Variants in JPH1 observed in about 807,000 individuals in gnomAD.
The protein encoded by JPH1 is junctophilin-1.
Under a neutral mutation model 53.6 loss-of-function variants are expected in JPH1, and 12 were observed. That is an observed-to-expected ratio of 0.22 (90% CI 0.14 to 0.36). JPH1 has a LOEUF of 0.36. Ranked by LOEUF, JPH1 falls within the 10% of genes least tolerant of loss-of-function variation. The probability of loss-of-function intolerance (pLI) is 1.00; values close to 1 mark genes in which losing one functional copy is unlikely to be tolerated. For synonymous variants in JPH1, 375 were observed against 363.8 expected (o/e 1.03, Z -0.35); for missense variants, 808 against 905.5 (o/e 0.89, Z 1.38).
At position 74,244,929 on chromosome 8, in the gene JPH1, G is replaced by C. The variant is rs1805810833; in HGVS notation, c.1505C>G (p.Ala502Gly). 6.2e-7 allele frequency: 1 copy of C among 1,614,180 alleles called. No individual in the cohort carries two copies. Among genetic ancestry groups the C allele is most frequent in the Non-Finnish European group, 8.5e-7 (1 of 1,180,044 alleles). Reference protein sequence around the residue: ...ARLNQDKRSVADEQVTAIVNK... With the variant: ...ARLNQDKRSVGDEQVTAIVNK... ...GACAATGGCCGTCACCTGCTCATCA[G>C]CCACACTCCTTTTGTCTTGGTTGAG... is the stretch of plus-strand genomic sequence containing the variant. The change falls in exon 4 of 6, where the codon GCT (alanine) becomes GGT (glycine). Residue 502 changes from alanine (A) to glycine (G), a missense_variant. This residue lies in a region of JPH1 where 756 missense variants were observed against 811.9 expected (regional missense o/e 0.93). Coordinates refer to ENST00000342232, the MANE Select transcript of JPH1 (RefSeq NM_020647.4).
At chr8:74,265,231 A>G (rs1269627729) in intron 2 of JPH1, among the ~76,000 whole-genome samples, 1 of 152,198 alleles carries the variant, frequency 6.6e-6, no homozygotes, top group Non-Finnish European at 1.5e-5. Context: ...GACATATGTA[A>G]TAATTTGGGA....
intron 2 of JPH1, among the ~76,000 whole-genome samples, chr8:74,280,124 TGTA>T (rs1806968665): frequency 6.6e-6 from 1 of 152,204 alleles, no homozygotes; most frequent in Non-Finnish European, 1.5e-5. Context: ...CAATGAAATC[TGTA>T]GTAAGTAAAA....
At chr8:74,250,027 T>C (rs1193532702) in intron 3 of JPH1, among the ~76,000 whole-genome samples, 1 of 152,218 alleles carries the variant, frequency 6.6e-6, no homozygotes, top group African/African-American at 2.4e-5. Context: ...AGTGTTTTAA[T>C]TTCTTTAACT....
At chr8:74,251,754 T>A (rs950747714) in intron 3 of JPH1, among the ~76,000 whole-genome samples, 19 of 151,960 alleles carry the variant, frequency 1.3e-4, no homozygotes, top group Non-Finnish European at 2.8e-4. Context: ...TACAGTTTTT[T>A]AAAATAGATT....
intron 2 of JPH1, among the ~76,000 whole-genome samples, chr8:74,288,665 T>G (rs1054694463): frequency 1.2e-4 from 18 of 152,184 alleles, no homozygotes; most frequent in African/African-American, 4.3e-4. Flanking sequence ...AACACAGAGT[T>G]AAGCCCATGG....
intron 2 of JPH1, among the ~76,000 whole-genome samples, chr8:74,261,181 T>C (rs1000871139): frequency 1.3e-5 from 2 of 152,192 alleles, no homozygotes; most frequent in Non-Finnish European, 2.9e-5. Context: ...GGACATTACA[T>C]ATTTGTCAAA....
chr8:74,260,107 A>G (rs1806348142), intron 2 of JPH1, among the ~76,000 whole-genome samples: 1 of 152,176 alleles, frequency 6.6e-6, no homozygotes, highest in Non-Finnish European at 1.5e-5. Context: ...CACCAGCAGG[A>G]GCAAACCACA....
chr8:74,319,421 G>A (rs902928106), intron 1 of JPH1, among the ~76,000 whole-genome samples: 1 of 152,302 alleles, frequency 6.6e-6, no homozygotes, highest in Admixed American at 6.5e-5. Flanking sequence ...TTACAGCGCT[G>A]TCAACCAGGT....
At chr8:74,287,565 C>T (rs1245417640) in intron 2 of JPH1, among the ~76,000 whole-genome samples, 2 of 152,030 alleles carry the variant, frequency 1.3e-5, no homozygotes, top group African/African-American at 4.8e-5. Context: ...TAGAAACAGC[C>T]TAGATCTTTT....
At chr8:74,265,202 A>G (rs1023786661) in intron 2 of JPH1, among the ~76,000 whole-genome samples, 96 of 152,194 alleles carry the variant, frequency 6.3e-4, no homozygotes, top group African/African-American at 2.1e-3. Context: ...AGCCCCCTGC[A>G]GTGTGTTCAT....
At chr8:74,263,539 C>T (rs115944832) in intron 2 of JPH1, among the ~76,000 whole-genome samples, 1,589 of 152,268 alleles carry the variant, frequency 0.01, 28 homozygotes, top group African/African-American at 0.036. Context: ...CAAGCCAAAA[C>T]CTTTGAGTCA....
At chr8:74,308,549 AGAG>A (rs1437046052) in intron 2 of JPH1, among the ~76,000 whole-genome samples, 1 of 152,242 alleles carries the variant, frequency 6.6e-6, no homozygotes, top group East Asian at 1.9e-4. Context: ...AATATTTACT[AGAG>A]CACTTACTAA....
At chr8:74,242,999 A>T (rs1176779252) in intron 4 of JPH1, among the ~76,000 whole-genome samples, 1 of 152,222 alleles carries the variant, frequency 6.6e-6, no homozygotes, top group Non-Finnish European at 1.5e-5. Context: ...AGCCTAATGT[A>T]TAGGACGCTG....
At chr8:74,280,699 A>G (rs1224855059) in intron 2 of JPH1, among the ~76,000 whole-genome samples, 1 of 152,232 alleles carries the variant, frequency 6.6e-6, no homozygotes, top group East Asian at 1.9e-4. Context: ...TAAATTTAAC[A>G]TCAAAAATCT....
chr8:74,294,788 A>T (rs1168981133), intron 2 of JPH1, among the ~76,000 whole-genome samples: 1 of 152,250 alleles, frequency 6.6e-6, no homozygotes, highest in Non-Finnish European at 1.5e-5. Flanking sequence ...ATTTACTCTA[A>T]CATGAAATAT....
chr8:74,271,826 G>A (rs1011878079), intron 2 of JPH1, among the ~76,000 whole-genome samples: 1 of 152,144 alleles, frequency 6.6e-6, no homozygotes, highest in Non-Finnish European at 1.5e-5. Context: ...GGGCAAGGAG[G>A]GGCCTGTGGG....
chr8:74,248,284 G>C (rs1467025218), intron 3 of JPH1, among the ~76,000 whole-genome samples: 1 of 152,154 alleles, frequency 6.6e-6, no homozygotes, highest in Non-Finnish European at 1.5e-5. Context: ...GTACATTTTA[G>C]CATCAACTTT....
intron 2 of JPH1, among the ~76,000 whole-genome samples, chr8:74,309,841 T>G (rs1255630636): frequency 6.6e-6 from 1 of 152,208 alleles, no homozygotes; most frequent in Admixed American, 6.5e-5. Flanking sequence ...GTGGGGGGCT[T>G]GGACCAGATA....
intron 2 of JPH1, among the ~76,000 whole-genome samples, chr8:74,284,384 G>A (rs571356980): frequency 5.9e-5 from 9 of 152,272 alleles, no homozygotes; most frequent in African/African-American, 2.2e-4. Flanking sequence ...GCTGGGTGGT[G>A]TATGTCAGCT....
Sources: gnomAD v4.1 joint callset for allele counts (sites outside exome capture counted in the v4.1 genomes callset) on GRCh38, gnomAD v4.1.1 for gene constraint, gnomAD v4.1.1 regional missense constraint, MANE v1.5 for transcripts, NCBI Gene and HGNC (gene_info 2026-07-23, HGNC 2026-07-21) for gene names.